The following SNTB2 variants were observed in gnomAD, a reference collection of about 807,000 sequenced individuals.
SNTB2 encodes beta-2-syntrophin.
Under a neutral mutation model 46.2 loss-of-function variants are expected in SNTB2, and 34 were observed. That is an observed-to-expected ratio of 0.74 (90% confidence interval 0.56 to 0.98). The LOEUF (loss-of-function observed/expected upper bound fraction) is 0.98, where lower values mean the gene tolerates loss of function less well. SNTB2 is among the 50% of genes least tolerant of loss of function. The probability of loss-of-function intolerance (pLI) is 0.00; values close to 1 mark genes in which losing one functional copy is unlikely to be tolerated. For missense variants in SNTB2, 603 were observed against 731.4 expected, an observed-to-expected ratio of 0.82 and a Z score of 2.02; for synonymous variants, 290 against 312.6, an observed-to-expected ratio of 0.93 and a Z score of 0.76.
At chr16:69,297,758 A>C (rs913867930) in intron 5 of SNTB2, among the ~76,000 whole-genome samples, 3 of 151,766 alleles carry the variant, frequency 2.0e-5, no homozygotes, top group Admixed American at 2.0e-4. Flanking sequence ...CTAAAAATGC[A>C]AAAAAATTAG....
intron 3 of SNTB2, among the ~76,000 whole-genome samples, chr16:69,263,394 G>T (rs1413720024): frequency 2.0e-5 from 3 of 150,916 alleles, no homozygotes; most frequent in African/African-American, 4.9e-5. Context: ...ACAGGCATGA[G>T]CCACTGTGCC....
intron 2 of SNTB2, among the ~76,000 whole-genome samples, chr16:69,247,055 A>AATAT (rs964175819): frequency 6.8e-6 from 1 of 147,210 alleles, no homozygotes; most frequent in African/African-American, 2.5e-5. Context: ...TAATAAAAAA[A>AATAT]ATATATATAT....
chr16:69,258,605 C>CTTTTTTTTTTTTTTTTT (rs67116274), intron 2 of SNTB2, among the ~76,000 whole-genome samples: 2 of 83,504 alleles, frequency 2.4e-5, no homozygotes, highest in Non-Finnish European at 4.5e-5. Flanking sequence ...CTTGTTCTTT[C>CTTTTTTTTTTTTTTTTT]TTTTTTTTTT....
At chr16:69,275,844 G>A (rs544733403) in intron 4 of SNTB2, among the ~76,000 whole-genome samples, 2 of 152,280 alleles carry the variant, frequency 1.3e-5, no homozygotes, top group African/African-American at 2.4e-5. Flanking sequence ...GTTAAAAAAA[G>A]TAGATAACTC....
In SNTB2 at chr16:69,307,361, T is replaced by C. The variant is rs536322210; in HGVS notation, c.*6437T>C. 6 of 152,326 alleles carry C rather than the reference T, an allele frequency of 3.9e-5. No individual in the cohort carries two copies. In the East Asian group the frequency reaches 1.2e-3, roughly 29 times the overall value. The allele number at this position is 152,326 out of a possible 1,614,324, so 9.4% of individuals were successfully genotyped here. On this transcript the variant is annotated 3_prime_UTR_variant, in exon 7 of 7. Coordinates refer to ENST00000336278, the MANE Select transcript of SNTB2 (RefSeq NM_006750.4). ...CTCCAAGCACATTTAAGTAGGCTGG[T>C]CTTTTCATCATGCATGATTTTTTTT...
chr16:69,252,026 T>A (rs1964732275), intron 2 of SNTB2, among the ~76,000 whole-genome samples: 1 of 152,236 alleles, frequency 6.6e-6, no homozygotes, highest in Admixed American at 6.5e-5. Flanking sequence ...TTGCTCCACA[T>A]CCTCACCAAA....
At chr16:69,241,819 C>T (rs1964618470) in intron 1 of SNTB2, 1 of 150,662 alleles carries the variant, frequency 6.6e-6, no homozygotes, top group African/African-American at 2.4e-5. Context: ...GTCTCAGCCA[C>T]TCAGGAGGCT....
chr16:69,218,137 AG>A (rs1459998092), intron 1 of SNTB2, among the ~76,000 whole-genome samples: 1 of 152,190 alleles, frequency 6.6e-6, no homozygotes, highest in Non-Finnish European at 1.5e-5. Context: ...CTTCTTTCCT[AG>A]AATAATCTCC....
chr16:69,285,089 G>A (rs889832189), intron 5 of SNTB2, among the ~76,000 whole-genome samples: 2 of 152,188 alleles, frequency 1.3e-5, no homozygotes, highest in African/African-American at 4.8e-5. Context: ...ATTCAATCAC[G>A]AAATCATCTT....
intron 1 of SNTB2, among the ~76,000 whole-genome samples, chr16:69,209,390 G>A (rs113332151): frequency 0.05 from 7,571 of 152,160 alleles, 264 homozygotes; most frequent in Non-Finnish European, 0.071. Flanking sequence ...GTGTATACAT[G>A]CCTTTTACTA....
In SNTB2 at chr16:69,209,046, C is replaced by G. The variant is rs573733366; in HGVS notation, c.580+21300C>G. Among the ~76,000 whole-genome samples, 4 of 152,052 alleles carry G rather than the reference C, an allele frequency of 2.6e-5. No homozygotes were observed. In the South Asian group the frequency reaches 8.3e-4, roughly 32 times the overall value. On this transcript the variant is annotated intron_variant, in intron 1 of 6. Coordinates refer to ENST00000336278, the MANE Select transcript of SNTB2 (RefSeq NM_006750.4). ...AGGCTGGAGTGCAGTCGCCCGATCT[C>G]AGCTCACTGCAAGCTCCGCCTCCCA... is the stretch of plus-strand genomic sequence containing the variant.
intron 1 of SNTB2, among the ~76,000 whole-genome samples, chr16:69,217,105 T>C (rs57032023): frequency 2.0e-4 from 30 of 152,348 alleles, no homozygotes; most frequent in African/African-American, 6.7e-4. Flanking sequence ...CCTGAATCTT[T>C]ACAGTACGTT....
At chr16:69,204,530 T>A (rs1052485385) in intron 1 of SNTB2, among the ~76,000 whole-genome samples, 3 of 152,208 alleles carry the variant, frequency 2.0e-5, no homozygotes, top group African/African-American at 7.2e-5. Flanking sequence ...TTAAATTCTT[T>A]CAGAATCACA....
chr16:69,248,160 T>C (rs758335649), intron 2 of SNTB2, among the ~76,000 whole-genome samples: 9 of 152,272 alleles, frequency 5.9e-5, no homozygotes, highest in Non-Finnish European at 1.2e-4. Context: ...GTAAACACAT[T>C]TTGAAAATTA....
At chr16:69,267,815 T>G (rs549335402) in intron 3 of SNTB2, among the ~76,000 whole-genome samples, 1 of 152,300 alleles carries the variant, frequency 6.6e-6, no homozygotes, top group South Asian at 2.1e-4. Context: ...ATGTCCAGAT[T>G]ACCTTCAGAA....
intron 2 of SNTB2, among the ~76,000 whole-genome samples, chr16:69,251,468 TAAAAAAAAA>T (rs71148976): frequency 5.7e-5 from 6 of 106,130 alleles, no homozygotes; most frequent in African/African-American, 1.9e-4. Flanking sequence ...ATGTTTAGTT[TAAAAAAAAA>T]AAAAAAAAAA....
chr16:69,286,443 G>A (rs1965102839), intron 5 of SNTB2, among the ~76,000 whole-genome samples: 1 of 152,124 alleles, frequency 6.6e-6, no homozygotes, highest in African/African-American at 2.4e-5. Context: ...CTGCACTTTG[G>A]AAGGCTAAGG....
rs1390990683 is a variant in SNTB2, at chr16:69,304,969, C to G, written c.*4045C>G. 6.6e-6 allele frequency: 1 copy of G among 151,612 alleles called. No homozygotes were observed. Among genetic ancestry groups the G allele is most frequent in the Non-Finnish European group, 1.5e-5 (1 of 67,992 alleles). 9.4% of individuals were successfully genotyped at this position (151,612 alleles called of 1,614,324 possible). A position where few individuals can be genotyped will look rare whatever the true frequency, so the allele number is the denominator to read the frequency against. On this transcript the variant is annotated 3_prime_UTR_variant, in exon 7 of 7. Transcript: ENST00000336278. Reference sequence around the variant, plus strand: ...AGATGTGAGCCACTGCACCTGGCCCCAGAAATTATGCTTAAAAAAAAAATT... The same window carrying G: ...AGATGTGAGCCACTGCACCTGGCCCGAGAAATTATGCTTAAAAAAAAAATT...
chr16:69,246,804 C>G (rs915392927), intron 2 of SNTB2, among the ~76,000 whole-genome samples: 1 of 145,510 alleles, frequency 6.9e-6, no homozygotes, highest in East Asian at 2.0e-4. Flanking sequence ...GTGTATGTGT[C>G]GAGGAATTTA....
Sources: allele counts gnomAD v4.1 joint callset (sites outside exome capture counted in the v4.1 genomes callset), GRCh38; gene constraint gnomAD v4.1.1; transcripts MANE v1.5; gene names NCBI Gene and HGNC (gene_info 2026-07-23, HGNC 2026-07-21).